Variants in AKAP19 observed in about 807,000 individuals in gnomAD.
AKAP19 encodes small A-kinase anchoring protein.
the AKAP19 span, among the ~76,000 whole-genome samples, chr2:190,034,243 A>G: frequency 1.6e-4 from 25 of 152,146 alleles, no homozygotes; most frequent in South Asian, 4.6e-3. Context: ...GTTTTTTCAC[A>G]TGCTTAGATG....
the AKAP19 span, among the ~76,000 whole-genome samples, chr2:190,064,190 G>A: frequency 2.6e-5 from 4 of 151,970 alleles, no homozygotes; most frequent in Non-Finnish European, 2.9e-5. Flanking sequence ...GAAAAAAATG[G>A]CCTTACATAA....
the AKAP19 span, among the ~76,000 whole-genome samples, chr2:189,896,363 A>G: frequency 6.6e-6 from 1 of 152,232 alleles, no homozygotes; most frequent in Admixed American, 6.5e-5. Context: ...AACAACAAAT[A>G]TTCTTATATT....
chr2:190,038,878 C>CTCTT, the AKAP19 span, among the ~76,000 whole-genome samples: 1,456 of 80,206 alleles, frequency 0.018, 86 homozygotes, highest in Middle Eastern at 0.032. Flanking sequence ...AGAGTCCTCC[C>CTCTT]TCTTTCTTTC....
chr2:190,038,904 C>CTTTCTTTCTTTCTTTCTTTCT, the AKAP19 span, among the ~76,000 whole-genome samples: 110 of 89,898 alleles, frequency 1.2e-3, 3 homozygotes, highest in African/African-American at 5.2e-3. Context: ...TTCTTTCTTT[C>CTTTCTTTCTTTCTTTCTTTCT]TTCTTCTTCT....
the AKAP19 span, among the ~76,000 whole-genome samples, chr2:189,932,357 G>C: frequency 6.8e-6 from 1 of 146,914 alleles, no homozygotes; most frequent in Non-Finnish European, 1.5e-5. Flanking sequence ...GCAGTGAGCC[G>C]AGATCGCACC....
chr2:189,923,951 A>C, the AKAP19 span: 1 of 1,610,430 alleles, frequency 6.2e-7, no homozygotes, highest in Admixed American at 1.7e-5. Context: ...AAAAATTGAA[A>C]AGGAACAGAG....
chr2:189,964,467 C>T, the AKAP19 span, among the ~76,000 whole-genome samples: 185 of 152,306 alleles, frequency 1.2e-3, 2 homozygotes, highest in Middle Eastern at 0.01. Flanking sequence ...TCCTTGAAAG[C>T]CTTGTTTCCA....
the AKAP19 span, among the ~76,000 whole-genome samples, chr2:190,005,432 C>T: frequency 6.6e-6 from 1 of 152,148 alleles, no homozygotes; most frequent in African/African-American, 2.4e-5. Context: ...ATTTACAATC[C>T]TCTAGCTAGA....
chr2:190,016,106 G>A, the AKAP19 span, among the ~76,000 whole-genome samples: 1 of 152,118 alleles, frequency 6.6e-6, no homozygotes, highest in Non-Finnish European at 1.5e-5. Flanking sequence ...TCCAACCTCT[G>A]CGTGTTACCC....
At chr2:189,937,921 A>G in the AKAP19 span, among the ~76,000 whole-genome samples, 1 of 152,230 alleles carries the variant, frequency 6.6e-6, no homozygotes, top group African/African-American at 2.4e-5. Context: ...TATACCCAAA[A>G]GAAAGGAAAT....
the AKAP19 span, among the ~76,000 whole-genome samples, chr2:189,965,409 G>T: frequency 6.6e-6 from 1 of 151,976 alleles, no homozygotes; most frequent in African/African-American, 2.4e-5. Context: ...GAAAAATGGT[G>T]CCAATATCCA....
the AKAP19 span, among the ~76,000 whole-genome samples, chr2:189,990,275 T>A: frequency 6.6e-6 from 1 of 152,198 alleles, no homozygotes; most frequent in African/African-American, 2.4e-5. Flanking sequence ...ATAAATGCCC[T>A]TTATCAGATT....
the AKAP19 span, among the ~76,000 whole-genome samples, chr2:190,091,561 C>CACACACACACACACACACA: frequency 6.6e-6 from 1 of 151,904 alleles, no homozygotes; most frequent in Non-Finnish European, 1.5e-5. Context: ...CACACACACA[C>CACACACACACACACACACA]AAGTAGCCCA....
the AKAP19 span, chr2:189,923,631 G>A: frequency 1.9e-6 from 3 of 1,614,108 alleles, no homozygotes; most frequent in South Asian, 1.1e-5. Context: ...GGTGTGAAAC[G>A]ATCTGCAGCG....
the AKAP19 span, among the ~76,000 whole-genome samples, chr2:189,927,523 A>G: frequency 6.6e-6 from 1 of 152,218 alleles, no homozygotes; most frequent in South Asian, 2.1e-4. Context: ...CAAAAATAGT[A>G]TGAAGAATTC....
At chr2:190,161,291 C>T in the AKAP19 span, among the ~76,000 whole-genome samples, 1 of 152,114 alleles carries the variant, frequency 6.6e-6, no homozygotes, top group Non-Finnish European at 1.5e-5. Flanking sequence ...TTGCCTTAAT[C>T]AGTCCTACAT....
At chr2:190,148,435 A>G in the AKAP19 span, among the ~76,000 whole-genome samples, 2 of 152,300 alleles carry the variant, frequency 1.3e-5, no homozygotes, top group South Asian at 2.1e-4. Context: ...TTTTAGCATC[A>G]ATGTTCATCA....
At chr2:189,935,424 T>G in the AKAP19 span, among the ~76,000 whole-genome samples, 1 of 152,056 alleles carries the variant, frequency 6.6e-6, no homozygotes, top group Admixed American at 6.5e-5. Context: ...TTTTCTTCAT[T>G]TTGAATATTT....
the AKAP19 span, among the ~76,000 whole-genome samples, chr2:190,111,680 GAGAA>G: frequency 1.8e-3 from 279 of 152,140 alleles, 2 homozygotes; most frequent in East Asian, 0.034. Context: ...CAGAGAGACA[GAGAA>G]AGAAAGAGAG....
Sources: allele counts gnomAD v4.1 joint callset (sites outside exome capture counted in the v4.1 genomes callset), GRCh38; gene constraint gnomAD v4.1.1; transcripts MANE v1.5; gene names NCBI Gene and HGNC (gene_info 2026-07-23, HGNC 2026-07-21).